The following MYOM3 variants were observed in gnomAD, a reference collection of about 807,000 sequenced individuals.
The protein encoded by MYOM3 is myomesin-3.
In MYOM3, 155 loss-of-function variants were observed where a neutral mutation model predicts 191.7. The ratio of observed to expected loss-of-function variants is 0.81; its 90% confidence interval spans 0.71 to 0.92. MYOM3 has a LOEUF of 0.92. Ranked by LOEUF, MYOM3 falls within the 40% of genes least tolerant of loss-of-function variation. The probability of loss-of-function intolerance (pLI) is 0.00; values close to 1 mark genes in which losing one functional copy is unlikely to be tolerated. For synonymous variants in MYOM3, 757 were observed against 762.9 expected (o/e 0.99, Z 0.13); for missense variants, 1,889 against 1,890.6 (o/e 1.00, Z 0.02).
intron 20 of MYOM3, among the ~76,000 whole-genome samples, chr1:24,077,171 G>A (rs901153459): frequency 6.6e-6 from 1 of 152,094 alleles, no homozygotes; most frequent in Non-Finnish European, 1.5e-5. Flanking sequence ...TCCCGTCCAC[G>A]GTCGTGATTG....
intron 8 of MYOM3, 43 bp from the exon 9 acceptor site, chr1:24,095,033 C>G (rs766754180): frequency 6.3e-7 from 1 of 1,594,372 alleles, no homozygotes; most frequent in South Asian, 1.2e-5. Context: ...TTTGAGGCAG[C>G]CAGCCTGGCC....
chr1:24,098,130 A>C, intron 6 of MYOM3, 119 bp from the exon 7 acceptor site: 1 of 712,294 alleles, frequency 1.4e-6, no homozygotes, highest in Non-Finnish European at 2.5e-6. Flanking sequence ...CCAGGAAGAG[A>C]CTTTGGTCAT....
chr1:24,078,615 A>C (rs1444956006), intron 20 of MYOM3, among the ~76,000 whole-genome samples: 1 of 152,188 alleles, frequency 6.6e-6, no homozygotes, highest in Non-Finnish European at 1.5e-5. Flanking sequence ...GGGGAAAAGC[A>C]CCCAGGAAAA....
Position 24,063,451 on chromosome 1 carries a change from TCAGGG to T in MYOM3, c.3661+36_3661+40del, listed in dbSNP as rs1195302932. 1.2e-6 allele frequency: 2 copies of T among 1,613,222 alleles called. No individual in the cohort carries two copies. The highest frequency in any genetic ancestry group is 1.7e-6 in the Non-Finnish European group (2 of 1,179,414). ...TAGGCTGCTTGGAGGCTGTTGGGCA[TCAGGG>T]CAGGGCAGGGCTGGGCAAAGAGGCA... On this transcript the variant is annotated intron_variant, in intron 31 of 36. Transcript: ENST00000374434. The surrounding 1 kb of genome is among the most constrained non-coding windows in gnomAD (Gnocchi z 4.5).
intron 25 of MYOM3, 68 bp downstream of exon 25, chr1:24,071,049 T>C: frequency 6.4e-7 from 1 of 1,571,980 alleles, no homozygotes; most frequent in Non-Finnish European, 8.7e-7. Flanking sequence ...CCATGCGGAA[T>C]CACCATCCCG....
rs185146517 is a variant in MYOM3, at chr1:24,084,568, G to T, written c.1870C>A (p.Pro624Thr). 290 of 1,614,082 alleles carry T rather than the reference G, an allele frequency of 1.8e-4. No homozygotes were observed. In the African/African-American group the frequency reaches 3.2e-3, roughly 18 times the overall value. The change falls in exon 16 of 37, where the codon CCT (proline) becomes ACT (threonine). Residue 624 changes from proline (P) to threonine (T), a missense_variant. Physicochemically the swap from Pro to Thr is conservative, Grantham distance 38 (BLOSUM62 -1). Coordinates refer to ENST00000374434, the MANE Select transcript of MYOM3 (RefSeq NM_152372.4). The part of the protein sequence containing the change: ...TQTSVSLTWD[P>T]VKDPELLGYY... ...CCCAGGAGCTCTGGGTCTTTCACAG[G>T]ATCCCATGTCAGGGAGACAGAGGTC...
At chr1:24,066,831 G>T in intron 28 of MYOM3, 190 bp downstream of exon 28, 1 of 553,068 alleles carries the variant, frequency 1.8e-6, no homozygotes. Flanking sequence ...CTACCCCATG[G>T]GCGCTGGGAA....
At chr1:24,093,299 C>T (rs2148556686) in intron 9 of MYOM3, among the ~76,000 whole-genome samples, 191 bp from the exon 10 acceptor site, 1 of 152,162 alleles carries the variant, frequency 6.6e-6, no homozygotes, top group Admixed American at 6.5e-5. Context: ...CTCTCCTTTG[C>T]AGAGGGCTTG....
intron 11 of MYOM3, 21 bp from the exon 12 acceptor site, chr1:24,091,017 C>T: frequency 1.9e-6 from 3 of 1,611,974 alleles, no homozygotes; most frequent in East Asian, 2.2e-5. Context: ...CAGGCCCCCC[C>T]TTTCAGCCCC....
chr1:24,081,593 C>CAAAA, intron 18 of MYOM3, 137 bp from the exon 19 acceptor site: 3 of 1,041,122 alleles, frequency 2.9e-6, no homozygotes, highest in Non-Finnish European at 4.2e-6. Flanking sequence ...GACATGGTCT[C>CAAAA]ACTTTGTCAC....
At chr1:24,059,046 A>G in intron 35 of MYOM3, 67 bp from the exon 36 acceptor site, 1 of 1,107,064 alleles carries the variant, frequency 9.0e-7, no homozygotes. Flanking sequence ...GAAGTTTCAT[A>G]GAGTTGAGGT....
intron 20 of MYOM3, among the ~76,000 whole-genome samples, chr1:24,077,175 G>A (rs573933423): frequency 3.9e-4 from 60 of 152,254 alleles, no homozygotes; most frequent in African/African-American, 1.4e-3. Context: ...GTCCACGGTC[G>A]TGATTGAGGC....
chr1:24,100,089 G>A (rs1315463921), intron 5 of MYOM3, among the ~76,000 whole-genome samples: 1 of 152,060 alleles, frequency 6.6e-6, no homozygotes, highest in Non-Finnish European at 1.5e-5. Context: ...GGCTGGTCTC[G>A]AATTCCTGAC....
intron 29 of MYOM3, among the ~76,000 whole-genome samples, chr1:24,065,157 G>C (rs1643418387): frequency 6.6e-6 from 1 of 152,242 alleles, no homozygotes; most frequent in Non-Finnish European, 1.5e-5. Flanking sequence ...CAGCCTGTCT[G>C]AGGAGCTTGC....
In MYOM3 at chr1:24,066,014, G is replaced by A. The variant is rs1318138270; in HGVS notation, c.3424-13C>T. The A allele has an allele frequency of 5.2e-6, 8 of 1,544,710 alleles. No individual in the cohort carries two copies. The highest frequency in any genetic ancestry group is 7.2e-6 in the Non-Finnish European group (8 of 1,116,622). On this transcript the variant is annotated splice_polypyrimidine_tract_variant and intron_variant, in intron 28 of 36. Transcript: ENST00000374434. Reference sequence around the variant, plus strand: ...TGGTGTTGGTCACCTGGGGAAGGTGGGGAATGAGGAGACTCTGTCAGGCTT... The same window carrying A: ...TGGTGTTGGTCACCTGGGGAAGGTGAGGAATGAGGAGACTCTGTCAGGCTT...
intron 16 of MYOM3, chr1:24,084,227 G>T: frequency 2.0e-6 from 1 of 497,782 alleles, no homozygotes; most frequent in East Asian, 3.8e-5. Flanking sequence ...TTGGAAGTGT[G>T]TAGCACTTCC....
chr1:24,089,789 G>A, intron 13 of MYOM3, 124 bp from the exon 14 acceptor site: 1 of 1,196,044 alleles, frequency 8.4e-7, no homozygotes, highest in Non-Finnish European at 1.2e-6. Context: ...GCAGTAGTTG[G>A]CTCCAGGTCA....
chr1:24,081,980 G>A (rs1643674763), intron 18 of MYOM3, 21 bp downstream of exon 18: 2 of 1,596,654 alleles, frequency 1.3e-6, no homozygotes, highest in South Asian at 2.3e-5. Flanking sequence ...GACACAGGCT[G>A]GGGCCACCTT....
chr1:24,090,191 AG>A, intron 12 of MYOM3, 73 bp from the exon 13 acceptor site: 1 of 1,242,908 alleles, frequency 8.0e-7, no homozygotes, highest in Non-Finnish European at 1.2e-6. Context: ...ACCCCACACC[AG>A]GGTCTGCGTC....
Sources: gnomAD v4.1 joint callset for allele counts (sites outside exome capture counted in the v4.1 genomes callset) on GRCh38, gnomAD v4.1.1 for gene constraint, Gnocchi (gnomAD v3.1) non-coding constraint, MANE v1.5 for transcripts, NCBI Gene and HGNC (gene_info 2026-07-23, HGNC 2026-07-21) for gene names.